The following CBLN2 variants were observed in gnomAD, a reference collection of about 807,000 sequenced individuals.
CBLN2 encodes the protein cerebellin 2 precursor, also known as cerebellin-2.
Under a neutral mutation model 15.0 loss-of-function variants are expected in CBLN2, and 7 were observed. The observed-to-expected ratio is 0.47, with a 90% CI of 0.27 to 0.88. The LOEUF (loss-of-function observed/expected upper bound fraction) is 0.88. Ranked by LOEUF, CBLN2 falls within the 40% of genes least tolerant of loss-of-function variation. The pLI is 0.14. For synonymous variants in CBLN2, 149 were observed against 135.2 expected (o/e 1.10, Z -0.71); for missense variants, 242 against 304.5 (o/e 0.79, Z 1.53).
At chr18:72,539,747 TTGTC>T (rs919065168) in intron 3 of CBLN2, 2 of 152,112 alleles carry the variant, frequency 1.3e-5, no homozygotes, top group African/African-American at 4.8e-5. Flanking sequence ...TCTGGCCACT[TTGTC>T]TGGATGCTGT....
chr18:72,587,139 T>G (rs560552974), intron 1 of CBLN2, among the ~76,000 whole-genome samples: 4 of 152,136 alleles, frequency 2.6e-5, no homozygotes, highest in African/African-American at 9.6e-5. Flanking sequence ...TAATTTATTT[T>G]TTGTCAGTTT....
chr18:72,552,987 A>G (rs900420814), intron 1 of CBLN2, among the ~76,000 whole-genome samples: 1 of 152,160 alleles, frequency 6.6e-6, no homozygotes, highest in African/African-American at 2.4e-5. Context: ...TAAATTTTCC[A>G]CCACATGGAT....
chr18:72,541,265 T>C (rs1195722211), intron 3 of CBLN2, among the ~76,000 whole-genome samples: 1 of 152,030 alleles, frequency 6.6e-6, no homozygotes, highest in Non-Finnish European at 1.5e-5. Flanking sequence ...TATTTATATA[T>C]CCATCCCTGT....
chr18:72,585,102 A>G (rs1338446552), intron 1 of CBLN2, among the ~76,000 whole-genome samples: 3 of 152,178 alleles, frequency 2.0e-5, no homozygotes, highest in African/African-American at 7.2e-5. Flanking sequence ...TGGAGACAAC[A>G]GGAACCACAG....
chr18:72,620,010 G>T (rs1166388403), intron 1 of CBLN2, among the ~76,000 whole-genome samples: 2 of 152,212 alleles, frequency 1.3e-5, no homozygotes, highest in Non-Finnish European at 2.9e-5. Flanking sequence ...ACATGGGTGA[G>T]CAAGTAAGCG....
At chr18:72,608,388 C>T (rs917758102) in intron 1 of CBLN2, among the ~76,000 whole-genome samples, 3 of 152,192 alleles carry the variant, frequency 2.0e-5, no homozygotes, top group Non-Finnish European at 4.4e-5. Context: ...TGTCTCACAT[C>T]GTTGGCTTCT....
chr18:72,610,930 A>G (rs1272578797), intron 1 of CBLN2, among the ~76,000 whole-genome samples: 7 of 151,868 alleles, frequency 4.6e-5, no homozygotes, highest in African/African-American at 1.7e-4. Flanking sequence ...TTCTGTTATT[A>G]TTATCTTTAT....
intron 1 of CBLN2, among the ~76,000 whole-genome samples, chr18:72,565,380 A>G (rs1157023534): frequency 1.3e-5 from 2 of 152,092 alleles, no homozygotes. Context: ...AAATATTTCT[A>G]GTATGAAGGT....
intron 1 of CBLN2, among the ~76,000 whole-genome samples, chr18:72,569,849 G>A (rs967689847): frequency 6.6e-6 from 1 of 152,074 alleles, no homozygotes; most frequent in African/African-American, 2.4e-5. Context: ...CCAACACTGG[G>A]GGTGACATTT....
chr18:72,561,597 T>G (rs2069262008), intron 1 of CBLN2, among the ~76,000 whole-genome samples: 1 of 152,244 alleles, frequency 6.6e-6, no homozygotes, highest in African/African-American at 2.4e-5. Flanking sequence ...TTTATTAACT[T>G]GCACCAGGAG....
At chr18:72,593,899 A>G (rs2069496431) in intron 1 of CBLN2, among the ~76,000 whole-genome samples, 1 of 152,180 alleles carries the variant, frequency 6.6e-6, no homozygotes, top group African/African-American at 2.4e-5. Flanking sequence ...TCCATCAGTG[A>G]TAGACTGGAT....
intron 1 of CBLN2, among the ~76,000 whole-genome samples, chr18:72,628,123 C>T (rs1363397131): frequency 6.6e-6 from 1 of 152,204 alleles, no homozygotes; most frequent in Admixed American, 6.5e-5. Context: ...TCAGTCTCAT[C>T]ACATTGGTCC....
chr18:72,635,195 G>C (rs1167614491), intron 1 of CBLN2, among the ~76,000 whole-genome samples: 1 of 152,028 alleles, frequency 6.6e-6, no homozygotes, highest in Non-Finnish European at 1.5e-5. Context: ...AATAAAATCA[G>C]TTTCAACCTC....
rs1484945531 is a variant in CBLN2, at chr18:72,537,579, A to C, written c.*597T>G. On this transcript the variant is annotated 3_prime_UTR_variant, in exon 5 of 5. Coordinates refer to ENST00000269503, the MANE Select transcript of CBLN2 (RefSeq NM_182511.4). ...ACAAAAATTGCAGTCCAATCGTGCA[A>C]AATTTGCTTCTCTGGATAAAGCACT... 1 of 152,708 alleles carries C rather than the reference A, an allele frequency of 6.5e-6. No individual in the cohort carries two copies. Among genetic ancestry groups the C allele is most frequent in the Non-Finnish European group, 1.5e-5 (1 of 68,084 alleles). 9.5% of individuals were successfully genotyped at this position (152,708 alleles called of 1,614,324 possible). A position where few individuals can be genotyped will look rare whatever the true frequency, so the allele number is the denominator to read the frequency against.
intron 1 of CBLN2, among the ~76,000 whole-genome samples, chr18:72,568,772 C>T (rs2069312524): frequency 6.6e-6 from 1 of 152,040 alleles, no homozygotes; most frequent in African/African-American, 2.4e-5. Flanking sequence ...TTGAAATCAG[C>T]CATGGTAATA....
intron 1 of CBLN2, among the ~76,000 whole-genome samples, chr18:72,564,012 G>A (rs1036991417): frequency 1.3e-5 from 2 of 152,084 alleles, no homozygotes; most frequent in African/African-American, 4.8e-5. Flanking sequence ...GCCAACACAC[G>A]TTACCCAACT....
At position 72,538,286 on chromosome 18, in the gene CBLN2, G is replaced by A; in HGVS notation, c.565C>T (p.Leu189=). ...TTGTCTTCCCTTTCCATGAGCAGCA[G>A]CACGCCATTGCTAGCAGCTTCTCTG... ...VTREAASNGV[L]LLMEREDKVH... The change falls in exon 5 of 5, where the codon CTG becomes TTG. Residue 189 remains leucine (L), a synonymous_variant. Coordinates refer to ENST00000269503, the MANE Select transcript of CBLN2 (RefSeq NM_182511.4). 2 of 1,614,156 alleles carry A rather than the reference G, an allele frequency of 1.2e-6. No individual in the cohort carries two copies. The highest frequency in any genetic ancestry group is 8.5e-7 in the Non-Finnish European group (1 of 1,180,022).
At chr18:72,540,974 C>T (rs1217723662) in intron 3 of CBLN2, among the ~76,000 whole-genome samples, 1 of 152,182 alleles carries the variant, frequency 6.6e-6, no homozygotes. Flanking sequence ...TGAAAAACAA[C>T]AGAAACCAGG....
intron 1 of CBLN2, among the ~76,000 whole-genome samples, chr18:72,633,415 A>T (rs2144981959): frequency 6.6e-6 from 1 of 152,318 alleles, no homozygotes; most frequent in South Asian, 2.1e-4. Context: ...GTTACTTATA[A>T]GAAATGCTCC....
Sources: allele counts gnomAD v4.1 joint callset (sites outside exome capture counted in the v4.1 genomes callset), GRCh38; gene constraint gnomAD v4.1.1; transcripts MANE v1.5; gene names NCBI Gene and HGNC (gene_info 2026-07-23, HGNC 2026-07-21).